RBFOX1: variants seen among roughly 807,000 people sequenced by gnomAD.
RBFOX1 encodes the protein RNA binding fox-1 homolog 1, also known as RNA binding protein fox-1 homolog 1.
A neutral mutation model predicts 57.7 loss-of-function variants in RBFOX1; 8 were observed. That is an observed-to-expected ratio of 0.14 (90% confidence interval 0.08 to 0.25). The LOEUF (loss-of-function observed/expected upper bound fraction) is 0.25. Among genes scored for constraint, RBFOX1 ranks in the 10% least tolerant of loss-of-function variants. The probability of loss-of-function intolerance (pLI) is 1.00; values close to 1 mark genes in which losing one functional copy is unlikely to be tolerated. For synonymous variants in RBFOX1, 326 were observed against 222.4 expected (o/e 1.47, Z -4.15); for missense variants, 611 against 548.5 (o/e 1.11, Z -1.14).
intron 3 of RBFOX1, among the ~76,000 whole-genome samples, chr16:6,729,524 G>A (rs1189687304): frequency 6.6e-6 from 1 of 152,122 alleles, no homozygotes; most frequent in African/African-American, 2.4e-5. Flanking sequence ...AAACAAAGAA[G>A]ATGTTTATAT....
chr16:7,673,377 C>G (rs1226042293), intron 13 of RBFOX1, among the ~76,000 whole-genome samples: 2 of 152,080 alleles, frequency 1.3e-5, no homozygotes, highest in Admixed American at 6.6e-5. Context: ...TTTTCCTTTC[C>G]TTGCCACCAT....
intron 3 of RBFOX1, among the ~76,000 whole-genome samples, chr16:7,049,597 G>T (rs1290072144): frequency 6.6e-6 from 1 of 152,100 alleles, no homozygotes; most frequent in Non-Finnish European, 1.5e-5. Context: ...TCAGCCCTTG[G>T]CTACCTTGCA....
intron 8 of RBFOX1, among the ~76,000 whole-genome samples, chr16:7,596,515 G>A (rs997497854): frequency 6.6e-6 from 1 of 152,124 alleles, no homozygotes; most frequent in Non-Finnish European, 1.5e-5. Context: ...CCATGCTGGC[G>A]ATGGTGGTGA....
At chr16:7,365,719 T>C (rs2097430270) in intron 4 of RBFOX1, among the ~76,000 whole-genome samples, 1 of 152,166 alleles carries the variant, frequency 6.6e-6, no homozygotes. Flanking sequence ...ACCCAAAATA[T>C]CAAGAGTGCA....
intron 4 of RBFOX1, among the ~76,000 whole-genome samples, chr16:7,238,646 C>A (rs76627945): frequency 2.0e-5 from 3 of 152,030 alleles, no homozygotes; most frequent in Non-Finnish European, 4.4e-5. Context: ...TTTTTTGTAA[C>A]TTTTATTTTA....
intron 4 of RBFOX1, among the ~76,000 whole-genome samples, chr16:5,996,306 C>T (rs773668552): frequency 6.6e-6 from 1 of 152,188 alleles, no homozygotes; most frequent in Admixed American, 6.5e-5. Flanking sequence ...ACGATGTAGA[C>T]TCCACAGAAG....
At chr16:6,764,651 C>T (rs909304755) in intron 3 of RBFOX1, among the ~76,000 whole-genome samples, 10 of 152,072 alleles carry the variant, frequency 6.6e-5, no homozygotes, top group Admixed American at 3.9e-4. Flanking sequence ...AGAGTAAATG[C>T]ATGGGCTGGG....
At chr16:5,328,738 G>C (rs1441378512) in intron 1 of RBFOX1, among the ~76,000 whole-genome samples, 1 of 152,200 alleles carries the variant, frequency 6.6e-6, no homozygotes, top group Non-Finnish European at 1.5e-5. Context: ...CCTGGACACA[G>C]CTGATTGGCC....
intron 11 of RBFOX1, among the ~76,000 whole-genome samples, chr16:7,639,331 A>G (rs2143017058): frequency 6.6e-6 from 1 of 152,306 alleles, no homozygotes; most frequent in African/African-American, 2.4e-5. Flanking sequence ...TCAGGGAATC[A>G]GACACTCCTT....
intron 3 of RBFOX1, among the ~76,000 whole-genome samples, chr16:6,850,038 C>G (rs2093982074): frequency 1.3e-5 from 2 of 152,250 alleles, no homozygotes; most frequent in African/African-American, 2.4e-5. Flanking sequence ...AAGAAATACA[C>G]CATGTACTCC....
At chr16:6,855,416 G>A (rs139789882) in intron 3 of RBFOX1, among the ~76,000 whole-genome samples, 1 of 152,040 alleles carries the variant, frequency 6.6e-6, no homozygotes, top group Admixed American at 6.5e-5. Context: ...CTTTGGGAGG[G>A]TGAGGCGGGC....
intron 1 of RBFOX1, among the ~76,000 whole-genome samples, chr16:6,201,783 C>T (rs8058860): frequency 0.012 from 1,811 of 152,130 alleles, 42 homozygotes; most frequent in African/African-American, 0.041. Context: ...ACATGTACCC[C>T]GTACATATGT....
intron 1 of RBFOX1, among the ~76,000 whole-genome samples, chr16:5,407,792 A>G (rs1268415302): frequency 6.6e-6 from 1 of 152,108 alleles, no homozygotes; most frequent in Non-Finnish European, 1.5e-5. Context: ...CAAACGATCC[A>G]ACTGCCCCGG....
intron 1 of RBFOX1, among the ~76,000 whole-genome samples, chr16:6,131,012 A>C (rs974220678): frequency 6.6e-6 from 1 of 152,160 alleles, no homozygotes; most frequent in East Asian, 1.9e-4. Context: ...ATGTGGATGA[A>C]TCTCATATAC....
At chr16:5,329,629 CAAAAT>C (rs1567341605) in intron 1 of RBFOX1, among the ~76,000 whole-genome samples, 1 of 152,184 alleles carries the variant, frequency 6.6e-6, no homozygotes, top group Non-Finnish European at 1.5e-5. Context: ...ACTGTTATAA[CAAAAT>C]AACATTAATT....
intron 4 of RBFOX1, among the ~76,000 whole-genome samples, chr16:7,243,994 G>C (rs919852389): frequency 1.6e-5 from 2 of 128,774 alleles, no homozygotes; most frequent in African/African-American, 6.4e-5. Flanking sequence ...CTTTTTTCCT[G>C]GAGAGAATGT....
chr16:7,060,059 C>G (rs960531061), intron 4 of RBFOX1, among the ~76,000 whole-genome samples: 1 of 152,122 alleles, frequency 6.6e-6, no homozygotes, highest in Non-Finnish European at 1.5e-5. Context: ...TGTGTCTTGA[C>G]ATTCTCATTC....
At chr16:5,483,047 TCA>T (rs2069600674) in intron 2 of RBFOX1, among the ~76,000 whole-genome samples, 1 of 152,202 alleles carries the variant, frequency 6.6e-6, no homozygotes, top group Non-Finnish European at 1.5e-5. Flanking sequence ...CACATTCATG[TCA>T]CAGAGTTCTA....
chr16:6,650,799 G>A (rs1475397035), intron 2 of RBFOX1, among the ~76,000 whole-genome samples: 2 of 152,242 alleles, frequency 1.3e-5, no homozygotes, highest in African/African-American at 2.4e-5. Context: ...CTTTCCTAAT[G>A]ATGCATCCGC....
Sources: allele counts gnomAD v4.1 joint callset (sites outside exome capture counted in the v4.1 genomes callset), GRCh38; gene constraint gnomAD v4.1.1; transcripts MANE v1.5; gene names NCBI Gene and HGNC (gene_info 2026-07-23, HGNC 2026-07-21).